The following ADAM19 variants were observed in gnomAD, a reference collection of about 807,000 sequenced individuals.
ADAM19 encodes the protein ADAM metallopeptidase domain 19, also known as disintegrin and metalloproteinase domain-containing protein 19.
A neutral mutation model predicts 114.7 loss-of-function variants in ADAM19; 65 were observed. That is an observed-to-expected ratio of 0.57 (90% confidence interval 0.46 to 0.70). The LOEUF (loss-of-function observed/expected upper bound fraction) is 0.70. Ranked by LOEUF, ADAM19 falls within the 30% of genes least tolerant of loss-of-function variation. The probability of loss-of-function intolerance (pLI) is 0.00; values close to 1 mark genes in which losing one functional copy is unlikely to be tolerated. For synonymous variants in ADAM19, 466 were observed against 460.5 expected (o/e 1.01, Z -0.15); for missense variants, 1,063 against 1,204.7 (o/e 0.88, Z 1.74).
In ADAM19 at chr5:157,477,587, T is replaced by G. The variant is rs938895671; in HGVS notation, c.*3362A>C. ...GCTTGGATTCTACAGAACCTCTCCT[T>G]CGCAGGCTCCCCTGGGGAAGGGGAC... On this transcript the variant is annotated 3_prime_UTR_variant, in exon 23 of 23. Coordinates refer to ENST00000257527, the MANE Select transcript of ADAM19 (RefSeq NM_033274.5). The G allele has an allele frequency of 6.3e-5, 79 of 1,259,206 alleles. 4 individuals are homozygous for G. In the South Asian group the frequency reaches 9.8e-4, roughly 16 times the overall value. 78.0% of individuals were successfully genotyped at this position (1,259,206 alleles called of 1,614,324 possible).
At chr5:157,543,788 G>A (rs10060687) in intron 3 of ADAM19, among the ~76,000 whole-genome samples, 64,832 of 151,668 alleles carry the variant, frequency 0.43, 16,158 homozygotes, top group African/African-American at 0.7. Flanking sequence ...TTTCTATCAA[G>A]CAGAAATGGC....
At position 157,479,649 on chromosome 5, in the gene ADAM19, C is replaced by T. The variant is rs1754688089; in HGVS notation, c.*1300G>A. ...GTGAGGGTCAGGTAAGGGCAGTGACCAGAGAGAGAACAAAAGGAAGTGAAT... is the reference window on the plus strand; with the variant it reads ...GTGAGGGTCAGGTAAGGGCAGTGACTAGAGAGAGAACAAAAGGAAGTGAAT... On this transcript the variant is annotated 3_prime_UTR_variant, in exon 23 of 23. Coordinates refer to ENST00000257527, the MANE Select transcript of ADAM19 (RefSeq NM_033274.5). 9.1e-6 allele frequency: 9 copies of T among 985,922 alleles called. No individual in the cohort carries two copies. The highest frequency in any genetic ancestry group is 1.1e-5 in the Non-Finnish European group (9 of 830,070). 61.1% of individuals were successfully genotyped at this position (985,922 alleles called of 1,614,324 possible). A position where few individuals can be genotyped will look rare whatever the true frequency, so the allele number is the denominator to read the frequency against.
Position 157,479,619 on chromosome 5 carries a change from T to C in ADAM19, c.*1330A>G. The C allele has an allele frequency of 1.0e-6, 1 of 985,752 alleles. No homozygotes were observed. Among genetic ancestry groups the C allele is most frequent in the Non-Finnish European group, 1.2e-6 (1 of 829,984 alleles). 61.1% of individuals were successfully genotyped at this position (985,752 alleles called of 1,614,324 possible). ...ACCCCCTCACCTGCTCAGAGCTCTCTTTCTGTGAGGGTCAGGTAAGGGCAG... is the reference window on the plus strand; with the variant it reads ...ACCCCCTCACCTGCTCAGAGCTCTCCTTCTGTGAGGGTCAGGTAAGGGCAG... On this transcript the variant is annotated 3_prime_UTR_variant, in exon 23 of 23. Coordinates refer to ENST00000257527, the MANE Select transcript of ADAM19 (RefSeq NM_033274.5).
At chr5:157,560,117 T>G (rs1472216454) in intron 3 of ADAM19, among the ~76,000 whole-genome samples, 1 of 150,582 alleles carries the variant, frequency 6.6e-6, no homozygotes, top group Non-Finnish European at 1.5e-5. Flanking sequence ...TACAAAAAAT[T>G]AGCCGGGCGT....
chr5:157,559,594 TGCA>T (rs1308153416), intron 3 of ADAM19, among the ~76,000 whole-genome samples: 27 of 152,362 alleles, frequency 1.8e-4, no homozygotes, highest in African/African-American at 6.0e-4. Context: ...CCTGGATGCC[TGCA>T]GCTAACTAAG....
chr5:157,523,043 T>G (rs1370215049), intron 5 of ADAM19, among the ~76,000 whole-genome samples: 2 of 152,194 alleles, frequency 1.3e-5, no homozygotes, highest in East Asian at 3.9e-4. Flanking sequence ...GGAGGCACCC[T>G]CATGAGTCCC....
intron 13 of ADAM19, among the ~76,000 whole-genome samples, chr5:157,498,967 A>G (rs1055884463): frequency 7.2e-5 from 11 of 152,066 alleles, no homozygotes; most frequent in Non-Finnish European, 1.2e-4. Flanking sequence ...AGAATTGTGG[A>G]AGAGAGATTG....
In ADAM19 at chr5:157,575,594, G is replaced by T. The variant is rs568517035; in HGVS notation, c.94+9C>A. On this transcript the variant is annotated intron_variant, in intron 1 of 22. Transcript: ENST00000257527. ...CCCAGCCTCCATCCCCCCGCGCCTGGCCACTTACTTGTCCATCCAGGCTCC... is the reference window on the plus strand; with the variant it reads ...CCCAGCCTCCATCCCCCCGCGCCTGTCCACTTACTTGTCCATCCAGGCTCC... 6.8e-7 allele frequency: 1 copy of T among 1,461,184 alleles called. No individual in the cohort carries two copies. The highest frequency in any genetic ancestry group is 3.0e-5 in the East Asian group (1 of 33,104). The allele number at this position is 1,461,184 out of a possible 1,614,324, so 90.5% of individuals were successfully genotyped here. A position where few individuals can be genotyped will look rare whatever the true frequency, so the allele number is the denominator to read the frequency against.
intron 16 of ADAM19, among the ~76,000 whole-genome samples, chr5:157,492,434 C>A (rs777252313): frequency 1.3e-5 from 2 of 152,036 alleles, no homozygotes; most frequent in African/African-American, 4.8e-5. Context: ...AGGGAGAAAA[C>A]GACAAATATA....
At chr5:157,499,737 C>A in intron 12 of ADAM19, 75 bp from the exon 13 acceptor site, 5 of 962,146 alleles carry the variant, frequency 5.2e-6, no homozygotes, top group Non-Finnish European at 8.1e-6. Context: ...CCCTTGCCCA[C>A]ACACCCCTGG....
intron 3 of ADAM19, among the ~76,000 whole-genome samples, chr5:157,545,394 A>G (rs1757021179): frequency 6.6e-6 from 1 of 152,200 alleles, no homozygotes; most frequent in African/African-American, 2.4e-5. Flanking sequence ...TGAATGCTTC[A>G]TGATATGCCT....
rs564051517 is a variant in ADAM19, at chr5:157,540,153, G to A, written c.252-2162C>T. Among the ~76,000 whole-genome samples, 24 of 152,340 alleles carry A rather than the reference G, an allele frequency of 1.6e-4. No individual in the cohort carries two copies. In the South Asian group the frequency reaches 4.8e-3, roughly 30 times the overall value. ...CATGCCTGGCACAAAGTGGAGCTGG[G>A]TAAAAGTTAGTGATAATCATTATTG... On this transcript the variant is annotated intron_variant, in intron 3 of 22. Transcript: ENST00000257527.
At chr5:157,481,698 A>G (rs370719559) in intron 22 of ADAM19, 93 bp downstream of exon 22, 460 of 1,551,634 alleles carry the variant, frequency 3.0e-4, no homozygotes, top group Non-Finnish European at 3.6e-4. Context: ...AGACCACAAG[A>G]AGCATGAATT....
Position 157,497,017 on chromosome 5 carries a change from A to T in ADAM19, c.1471T>A (p.Ser491Thr). Reference sequence around the variant, plus strand: ...TAGAAGTTGGTAGGGCAGTGGGGAGACTTGCCCGTACAGAACTCCGGGAGG... The same window carrying T: ...TAGAAGTTGGTAGGGCAGTGGGGAGTCTTGCCCGTACAGAACTCCGGGAGG... ...CDLPEFCTGK[S>T]PHCPTNFYQM... The change falls in exon 14 of 23, where the codon TCT becomes ACT. Residue 491 changes from serine to threonine, a missense_variant. Transcript: ENST00000257527. 6.3e-7 allele frequency: 1 copy of T among 1,589,178 alleles called. No homozygotes were observed. Among genetic ancestry groups the T allele is most frequent in the Non-Finnish European group, 8.5e-7 (1 of 1,169,676 alleles).
chr5:157,488,610 G>T (rs547233569), intron 20 of ADAM19, 121 bp from the exon 21 acceptor site: 2 of 750,432 alleles, frequency 2.7e-6, no homozygotes, highest in East Asian at 5.6e-5. Context: ...TTAAACCCCT[G>T]AGGATCCCAG....
intron 13 of ADAM19, 90 bp downstream of exon 13, chr5:157,499,483 G>A: frequency 1.7e-6 from 2 of 1,145,534 alleles, no homozygotes; most frequent in African/African-American, 1.5e-5. Flanking sequence ...CCAGGATGGA[G>A]GCAAATCCCC....
chr5:157,570,772 G>A (rs1757797076), intron 2 of ADAM19, 123 bp downstream of exon 2: 2 of 784,118 alleles, frequency 2.6e-6, no homozygotes, highest in Admixed American at 2.7e-5. Context: ...TGGGCACCCA[G>A]AGGACAGAGT....
chr5:157,506,194 T>C (rs1300323406), intron 10 of ADAM19, among the ~76,000 whole-genome samples: 1 of 152,222 alleles, frequency 6.6e-6, no homozygotes, highest in African/African-American at 2.4e-5. Context: ...TAGGGTGTAC[T>C]TGGCTTAGTG....
Position 157,519,910 on chromosome 5 carries a change from C to G in ADAM19, c.529G>C (p.Glu177Gln). ...LKPPPGNCGF[E>Q]HSKPTTRDWA... is the part of the protein sequence containing the mutation. ...TCCCTGGTGGTGGGCTTGGAGTGCT[C>G]GAACCCACAGTTTCCCGGGGGCGGC... Residue 177 changes from glutamate (E) to glutamine (Q), a missense_variant, in exon 6 of 23, where the codon GAG (glutamate) becomes CAG (glutamine). This residue lies in a region of ADAM19 where 615 missense variants were observed against 706.3 expected (regional missense o/e 0.87). Coordinates refer to ENST00000257527, the MANE Select transcript of ADAM19 (RefSeq NM_033274.5). The G allele has an allele frequency of 6.2e-7, 1 of 1,614,002 alleles. No homozygotes were observed. Among genetic ancestry groups the G allele is most frequent in the Non-Finnish European group, 8.5e-7 (1 of 1,180,000 alleles).
Sources: gnomAD v4.1 joint callset for allele counts (sites outside exome capture counted in the v4.1 genomes callset) on GRCh38, gnomAD v4.1.1 for gene constraint, gnomAD v4.1.1 regional missense constraint, MANE v1.5 for transcripts, NCBI Gene and HGNC (gene_info 2026-07-23, HGNC 2026-07-21) for gene names.